Variants in ADAT3 observed in about 807,000 individuals in gnomAD.
ADAT3 encodes the protein adenosine deaminase tRNA specific 3, also known as tRNA-specific adenosine-34 deaminase regulatory subunit ADAT3.
A neutral mutation model predicts 3.5 loss-of-function variants in ADAT3; 2 were observed. The observed-to-expected ratio is 0.57, with a 90% CI of 0.23 to 1.79. ADAT3 has a LOEUF of 1.79. Ranked by LOEUF, ADAT3 falls within the 40% of genes most tolerant of loss-of-function variation. The pLI is 0.18. For missense variants in ADAT3, 735 were observed against 571.4 expected (o/e 1.29, Z -2.92); for synonymous variants, 358 against 270.3 (o/e 1.32, Z -3.18).
chr19:1,908,438 A>T lies in ADAT3; in HGVS notation c.-159+2999A>T. On this transcript the variant is annotated intron_variant, in intron 1 of 1. Coordinates refer to ENST00000329478, the MANE Select transcript of ADAT3 (RefSeq NM_138422.4). The surrounding 1 kb of genome is among the most constrained non-coding windows in gnomAD (Gnocchi z 4.2). ...CAGGCAGTGCATGTCGAGGAGTAGC[A>T]CCCACAGCTGCGCGGCTGCGAAATG... 1 of 468,262 alleles carries T rather than the reference A, an allele frequency of 2.1e-6. No homozygotes were observed. Among genetic ancestry groups the T allele is most frequent in the South Asian group, 1.6e-5 (1 of 64,414 alleles). 29.0% of individuals were successfully genotyped at this position (468,262 alleles called of 1,614,324 possible).
chr19:1,906,703 C>G (rs994559829), intron 1 of ADAT3: 1 of 151,770 alleles, frequency 6.6e-6, no homozygotes. Context: ...AAAAAAAAGC[C>G]AGGCATGGTG....
chr19:1,909,662 C>T (rs947391823), intron 1 of ADAT3, among the ~76,000 whole-genome samples: 2 of 152,188 alleles, frequency 1.3e-5, no homozygotes, highest in African/African-American at 2.4e-5. Flanking sequence ...GGTTCTCACC[C>T]GAGAGCCGCC....
At position 1,912,978 on chromosome 19, in the gene ADAT3, G is replaced by A; in HGVS notation, c.931G>A (p.Ala311Thr). Reference protein sequence around the residue: ...YVTREPCAMCAMALVHARILR... With the variant: ...YVTREPCAMCTMALVHARILR... Reference sequence around the variant, plus strand: ...GACCCGCGAGCCCTGCGCCATGTGCGCCATGGCCCTGGTGCACGCACGCAT... The same window carrying A: ...GACCCGCGAGCCCTGCGCCATGTGCACCATGGCCCTGGTGCACGCACGCAT... Residue 311 changes from alanine (A) to threonine (T), a missense_variant, in exon 2 of 2, where the codon GCC becomes ACC. Transcript: ENST00000329478. 3.1e-6 allele frequency: 5 copies of A among 1,609,788 alleles called. No homozygotes were observed. The highest frequency in any genetic ancestry group is 1.1e-5 in the South Asian group (1 of 91,062).
In ADAT3 at chr19:1,913,380, G is replaced by A. The variant is rs535482918; in HGVS notation, c.*229G>A. 74 of 642,812 alleles carry A rather than the reference G, an allele frequency of 1.2e-4. 1 individual carries two copies. The East Asian group carries it at 2.1e-3, about 18-fold the overall frequency. The allele number at this position is 642,812 out of a possible 1,614,324, so 39.8% of individuals were successfully genotyped here. The stretch of plus-strand genomic sequence containing the variant: ...GCCCTTCTGCGGCCGCCCTTGCTGC[G>A]TTTGTGTCCCCTCTGTCTCGCGGGC... On this transcript the variant is annotated 3_prime_UTR_variant, in exon 2 of 2. Coordinates refer to ENST00000329478, the MANE Select transcript of ADAT3 (RefSeq NM_138422.4).
At chr19:1,907,513 C>T (rs1016037356) in intron 1 of ADAT3, among the ~76,000 whole-genome samples, 2 of 152,126 alleles carry the variant, frequency 1.3e-5, no homozygotes, top group Non-Finnish European at 2.9e-5. Context: ...GGGCTGAACG[C>T]CTCTAGGGCA....
At chr19:1,907,383 C>A (rs1156731832) in intron 1 of ADAT3, among the ~76,000 whole-genome samples, 3 of 139,516 alleles carry the variant, frequency 2.2e-5, no homozygotes, top group African/African-American at 8.8e-5. Context: ...TACCTGACAG[C>A]CCTGCCTTAA....
chr19:1,910,723 C>T (rs1321015254), intron 1 of ADAT3, among the ~76,000 whole-genome samples: 4 of 151,040 alleles, frequency 2.6e-5, no homozygotes, highest in South Asian at 2.1e-4. Context: ...ATTACAGGTG[C>T]GTGGCACCAT....
chr19:1,913,037 C>G lies in ADAT3; in HGVS notation c.990C>G (p.Asp330Glu). 10 of 1,604,054 alleles carry G rather than the reference C, an allele frequency of 6.2e-6. No homozygotes were observed. The highest frequency in any genetic ancestry group is 8.5e-6 in the Non-Finnish European group (10 of 1,179,104). Residue 330 changes from aspartate (D) to glutamate (E), a missense_variant, in exon 2 of 2, where the codon GAC becomes GAG. Coordinates refer to ENST00000329478, the MANE Select transcript of ADAT3 (RefSeq NM_138422.4). ...TCTTCTACGGTGCGCCCTCGCCCGACGGCGCCCTGGGCACCCGCTTCCGCA... is the reference window on the plus strand; with the variant it reads ...TCTTCTACGGTGCGCCCTCGCCCGAGGGCGCCCTGGGCACCCGCTTCCGCA... ...LRVFYGAPSP[D>E]GALGTRFRIH...
At chr19:1,910,949 C>T (rs2013411711) in intron 1 of ADAT3, among the ~76,000 whole-genome samples, 1 of 151,890 alleles carries the variant, frequency 6.6e-6, no homozygotes, top group Non-Finnish European at 1.5e-5. Context: ...TCAATGTAAC[C>T]TGCGCCTCCC....
chr19:1,910,171 G>A (rs1358196764), intron 1 of ADAT3, among the ~76,000 whole-genome samples: 9 of 152,262 alleles, frequency 5.9e-5, no homozygotes, highest in East Asian at 1.9e-4. Flanking sequence ...TCCTCTCTGC[G>A]GGGTCTCACC....
At position 1,912,254 on chromosome 19, in the gene ADAT3, G is replaced by C. The variant is rs2013498669; in HGVS notation, c.207G>C (p.Lys69Asn). The C allele has an allele frequency of 1.3e-6, 2 of 1,597,386 alleles. No individual in the cohort carries two copies. Among genetic ancestry groups the C allele is most frequent in the Non-Finnish European group, 1.7e-6 (2 of 1,174,786 alleles). Residue 69 changes from lysine to asparagine, a missense_variant, in exon 2 of 2, where the codon AAG becomes AAC. By Grantham distance (94) the Lys-to-Asn change is moderately conservative. Coordinates refer to ENST00000329478, the MANE Select transcript of ADAT3 (RefSeq NM_138422.4). ...VLAYAAPVLD[K>N]RQTSRLLKEV... is the part of the protein sequence containing the mutation. ...CCTACGCCGCGCCCGTCCTGGACAA[G>C]CGCCAGACCTCACGCCTCCTGAAGG...
chr19:1,913,362 T>A lies in ADAT3; in HGVS notation c.*211T>A, dbSNP rs1242123773. 2.5e-5 allele frequency: 18 copies of A among 707,948 alleles called. No individual in the cohort carries two copies. The highest frequency in any genetic ancestry group is 3.9e-5 in the Non-Finnish European group (17 of 433,358). The allele number at this position is 707,948 out of a possible 1,614,324, so 43.9% of individuals were successfully genotyped here. On this transcript the variant is annotated 3_prime_UTR_variant, in exon 2 of 2. Coordinates refer to ENST00000329478, the MANE Select transcript of ADAT3 (RefSeq NM_138422.4). Reference sequence around the variant, plus strand: ...CCACCCCGTGCCAGCGGTGCCCTTCTGCGGCCGCCCTTGCTGCGTTTGTGT... The same window carrying A: ...CCACCCCGTGCCAGCGGTGCCCTTCAGCGGCCGCCCTTGCTGCGTTTGTGT...
chr19:1,905,706 G>C (rs1004113421), intron 1 of ADAT3: 1 of 153,224 alleles, frequency 6.5e-6, no homozygotes, highest in Non-Finnish European at 1.5e-5. Flanking sequence ...GCCTTTCTGC[G>C]CGTGTGCGCC....
At position 1,912,761 on chromosome 19, in the gene ADAT3, G is replaced by A; in HGVS notation, c.714G>A (p.Leu238=). The A allele has an allele frequency of 1.9e-6, 3 of 1,555,840 alleles. No homozygotes were observed. Among genetic ancestry groups the A allele is most frequent in the African/African-American group, 1.4e-5 (1 of 73,064 alleles). The change falls in exon 2 of 2, where the codon CTG becomes CTA. Residue 238 remains leucine, a synonymous_variant. Coordinates refer to ENST00000329478, the MANE Select transcript of ADAT3 (RefSeq NM_138422.4). ...HDCSCADNPL[L]HAVMVCVDLV... ...GCAGCTGCGCGGACAACCCCCTCCTGCACGCCGTCATGGTGTGCGTGGACC... is the reference window on the plus strand; with the variant it reads ...GCAGCTGCGCGGACAACCCCCTCCTACACGCCGTCATGGTGTGCGTGGACC...
intron 1 of ADAT3, chr19:1,906,327 T>G (rs1360805860): frequency 6.6e-6 from 1 of 151,894 alleles, no homozygotes; most frequent in Non-Finnish European, 1.5e-5. Flanking sequence ...ACCATTGTAC[T>G]CCAGGCTGAG....
Position 1,912,679 on chromosome 19 carries a change from TG to T in ADAT3, c.637del (p.Ala213ProfsTer3). 2.1e-6 allele frequency: 3 copies of T among 1,446,900 alleles called. No individual in the cohort carries two copies. The highest frequency in any genetic ancestry group is 2.9e-5 in the Admixed American group (1 of 34,120). 89.6% of individuals were successfully genotyped at this position (1,446,900 alleles called of 1,614,324 possible). On this transcript the variant is annotated frameshift_variant, in exon 2 of 2. Transcript: ENST00000329478. LOFTEE classifies it low-confidence loss of function (END_TRUNC). The stretch of plus-strand genomic sequence containing the variant: ...GCAGCAGCGCGGGGCTTGCGGGCCG[TG>T]GGGGCCGTGGTAGTGGACCCGGCCT... ...RRAAARGLRA[V>X]GAVVVDPASD...
At chr19:1,906,866 T>TTGTGTGTGGGTGTGTGTGTGTGTG (rs2013147302) in intron 1 of ADAT3, 1 of 130,084 alleles carries the variant, frequency 7.7e-6, no homozygotes. Flanking sequence ...AAAAAAAAAA[T>TTGTGTGTGGGTGTGTGTGTGTGTG]TGTGTGTGTG....
At chr19:1,909,380 C>T (rs1207343340) in intron 1 of ADAT3, among the ~76,000 whole-genome samples, 8 of 152,220 alleles carry the variant, frequency 5.3e-5, no homozygotes, top group Non-Finnish European at 8.8e-5. Context: ...TTCTAATGGG[C>T]GGATCCCGAG....
chr19:1,911,789 AAAAAT>A (rs577625338), intron 1 of ADAT3, 96 bp from the exon 2 acceptor site: 208 of 396,924 alleles, frequency 5.2e-4, no homozygotes, highest in African/African-American at 3.8e-3. Context: ...TCAGAAGTAA[AAAAAT>A]AAAATAAAAA....
Sources: gnomAD v4.1 joint callset for allele counts (sites outside exome capture counted in the v4.1 genomes callset) on GRCh38, gnomAD v4.1.1 for gene constraint, Gnocchi (gnomAD v3.1) non-coding constraint, MANE v1.5 for transcripts, NCBI Gene and HGNC (gene_info 2026-07-23, HGNC 2026-07-21) for gene names.